Variants in ERICH3 observed in about 807,000 individuals in gnomAD.
ERICH3 encodes glutamate rich 3.
Under a neutral mutation model 131.1 loss-of-function variants are expected in ERICH3, and 126 were observed. The ratio of observed to expected loss-of-function variants is 0.96; its 90% CI spans 0.83 to 1.11. The LOEUF is 1.11. ERICH3 is among the 50% of genes most tolerant of loss of function. The pLI is 0.00. For synonymous variants in ERICH3, 695 were observed against 644.6 expected, an observed-to-expected ratio of 1.08 and a Z score of -1.18; for missense variants, 2,050 against 1,810.7, an observed-to-expected ratio of 1.13 and a Z score of -2.40.
intron 11 of ERICH3, among the ~76,000 whole-genome samples, chr1:74,593,229 C>T (rs139493492): frequency 4.6e-5 from 7 of 152,156 alleles, no homozygotes; most frequent in Non-Finnish European, 1.0e-4. Flanking sequence ...GTCAGGAGCT[C>T]TCCAGGCCCT....
chr1:74,668,001 G>T (rs1447042782), intron 1 of ERICH3, among the ~76,000 whole-genome samples: 1 of 152,118 alleles, frequency 6.6e-6, no homozygotes, highest in African/African-American at 2.4e-5. Context: ...TTTCTCTCCT[G>T]CTGCGATGTA....
At chr1:74,640,862 G>A (rs1190273633) in intron 5 of ERICH3, among the ~76,000 whole-genome samples, 1 of 152,108 alleles carries the variant, frequency 6.6e-6, no homozygotes, top group African/African-American at 2.4e-5. Context: ...TAAGGTGGAA[G>A]TAGAAGGAAC....
In ERICH3 at chr1:74,571,712, C is replaced by T; in HGVS notation, c.3998G>A (p.Gly1333Glu). ...EGNTQKNEGM[G>E]GGRVVAVEVL... Reference sequence around the variant, plus strand: ...TTCCACAGCCACAACCCTTCCTCCTCCCATGCCCTCATTCTTTTGTGTGTT... The same window carrying T: ...TTCCACAGCCACAACCCTTCCTCCTTCCATGCCCTCATTCTTTTGTGTGTT... The change falls in exon 14 of 15, where the codon GGA (glycine) becomes GAA (glutamate). Residue 1333 changes from glycine (G) to glutamate (E), a missense_variant. Transcript: ENST00000326665. 5 of 1,614,168 alleles carry T rather than the reference C, an allele frequency of 3.1e-6. No homozygotes were observed. Among genetic ancestry groups the T allele is most frequent in the Non-Finnish European group, 4.2e-6 (5 of 1,180,026 alleles).
Position 74,606,826 on chromosome 1 carries a change from C to T in ERICH3, c.1264G>A (p.Glu422Lys), listed in dbSNP as rs1377980893. The change falls in exon 10 of 15, where the codon GAG becomes AAG. Residue 422 changes from glutamate to lysine, a missense_variant. Glu to Lys is a moderately conservative substitution (Grantham distance 56). Transcript: ENST00000326665. ...SRKEKSTEKG[E>K]ELKKAEGKVR... ...TTCCCCTCAGCCTTCTTCAGTTCCTCTCCTTTCTCAGTGCTCTTTTCTTTC... is the reference window on the plus strand; with the variant it reads ...TTCCCCTCAGCCTTCTTCAGTTCCTTTCCTTTCTCAGTGCTCTTTTCTTTC... 2 of 1,613,186 alleles carry T rather than the reference C, an allele frequency of 1.2e-6. No individual in the cohort carries two copies. The highest frequency in any genetic ancestry group is 1.7e-6 in the Non-Finnish European group (2 of 1,179,442).
intron 1 of ERICH3, among the ~76,000 whole-genome samples, chr1:74,664,552 A>G (rs1356202763): frequency 6.6e-6 from 1 of 152,192 alleles, no homozygotes; most frequent in African/African-American, 2.4e-5. Flanking sequence ...CTGCTACTAT[A>G]AAACACTATG....
At chr1:74,627,353 C>A (rs529508782) in intron 7 of ERICH3, among the ~76,000 whole-genome samples, 1 of 152,040 alleles carries the variant, frequency 6.6e-6, no homozygotes, top group Non-Finnish European at 1.5e-5. Context: ...AGCATGAAAA[C>A]AGAATGCCAT....
intron 1 of ERICH3, among the ~76,000 whole-genome samples, chr1:74,672,637 G>T (rs531794436): frequency 6.6e-6 from 1 of 152,190 alleles, no homozygotes; most frequent in African/African-American, 2.4e-5. Context: ...AATTAAAAAG[G>T]AAAGTGCCTT....
chr1:74,673,521 T>C lies in ERICH3; in HGVS notation c.-2A>G. ...CCCAGCGGGGTGAGAATGGCTCATT[T>C]TTGCAGGATCCCTTTTGGACCCCGC... On this transcript the variant is annotated 5_prime_UTR_variant, in exon 1 of 15. Coordinates refer to ENST00000326665, the MANE Select transcript of ERICH3 (RefSeq NM_001002912.5). 1 of 1,613,284 alleles carries C rather than the reference T, an allele frequency of 6.2e-7. No individual in the cohort carries two copies. The highest frequency in any genetic ancestry group is 8.5e-7 in the Non-Finnish European group (1 of 1,179,798).
At position 74,636,356 on chromosome 1, in the gene ERICH3, T is replaced by G; in HGVS notation, c.527A>C (p.Glu176Ala). ...CCTTGAAGTTACCTTTGGAACAGTT[T>G]CTACTGCAGGATTACTGGGAAGAGG... ...LQPLPSNPAV[E>A]TVPKVTSRSR... Residue 176 changes from glutamate (E) to alanine (A), a missense_variant, in exon 6 of 15, where the codon GAA becomes GCA. Physicochemically the swap from Glu to Ala is moderately radical, Grantham distance 107. Transcript: ENST00000326665. The G allele has an allele frequency of 6.2e-7, 1 of 1,613,390 alleles. No homozygotes were observed. Among genetic ancestry groups the G allele is most frequent in the Non-Finnish European group, 8.5e-7 (1 of 1,179,474 alleles).
chr1:74,659,962 T>C (rs1351388502), intron 1 of ERICH3, among the ~76,000 whole-genome samples: 3 of 152,184 alleles, frequency 2.0e-5, no homozygotes, highest in Admixed American at 6.5e-5. Flanking sequence ...GTTGATTATT[T>C]ATGCTATGGC....
rs759943324 is a variant in ERICH3 at position 74,572,808 on chromosome 1, CCT to C, written c.2900_2901del (p.Glu967GlyfsTer4). ...GPMEDTASKR[E>X]DGSEEAILGG... is the part of the protein sequence containing the mutation. ...CCAAGAATTGCCTCTTCAGAACCGTCCTCTCTCTTTGATGCTGTGTCCTCCAT... is the reference window on the plus strand; with the variant it reads ...CCAAGAATTGCCTCTTCAGAACCGTCCTCTCTTTGATGCTGTGTCCTCCAT... On this transcript the variant is annotated frameshift_variant, in exon 14 of 15. Coordinates refer to ENST00000326665, the MANE Select transcript of ERICH3 (RefSeq NM_001002912.5). LOFTEE classifies it high-confidence loss of function. The C allele has an allele frequency of 6.2e-7, 1 of 1,613,764 alleles. No homozygotes were observed. Among genetic ancestry groups the C allele is most frequent in the African/African-American group, 1.3e-5 (1 of 74,880 alleles).
intron 13 of ERICH3, among the ~76,000 whole-genome samples, chr1:74,575,762 T>C (rs920065744): frequency 6.6e-6 from 1 of 152,218 alleles, no homozygotes; most frequent in Non-Finnish European, 1.5e-5. Context: ...AGCCACCATG[T>C]AGTAATATAT....
At chr1:74,644,002 G>A (rs535440954) in intron 3 of ERICH3, among the ~76,000 whole-genome samples, 2 of 151,964 alleles carry the variant, frequency 1.3e-5, no homozygotes, top group Non-Finnish European at 2.9e-5. Context: ...TTCCCCCCAA[G>A]TTTTTGTAAT....
In ERICH3 at chr1:74,599,705, C is replaced by T. The variant is rs1648030385; in HGVS notation, c.1716G>A (p.Glu572=). 6.8e-6 allele frequency: 11 copies of T among 1,608,024 alleles called. No homozygotes were observed. Among genetic ancestry groups the T allele is most frequent in the Non-Finnish European group, 8.5e-6 (10 of 1,177,348 alleles). The change falls in exon 11 of 15, where the codon GAG becomes GAA. Residue 572 remains glutamate, a synonymous_variant. Transcript: ENST00000326665. ...NDGCSESELE[E]DKQDMKTASS... Reference sequence around the variant, plus strand: ...AGCTGAACAACTCGCCTTGTTTATCCTCTTCCAGTTCACTCTCAGAGCATC... The same window carrying T: ...AGCTGAACAACTCGCCTTGTTTATCTTCTTCCAGTTCACTCTCAGAGCATC...
Position 74,587,121 on chromosome 1 carries a change from C to T in ERICH3, c.2176+2510G>A, listed in dbSNP as rs1005198460. On this transcript the variant is annotated intron_variant, in intron 12 of 14. Transcript: ENST00000326665. The stretch of plus-strand genomic sequence containing the variant: ...CGGGTGGATCACGTGGTCAAGAGAT[C>T]GAGACCATCCTGGCTAACACGGTGA... Among the ~76,000 whole-genome samples the T allele has an allele frequency of 7.9e-5, 12 of 151,866 alleles. No homozygotes were observed. In the East Asian group the frequency reaches 2.1e-3, roughly 27 times the overall value.
chr1:74,632,924 G>A (rs971796897), intron 6 of ERICH3, among the ~76,000 whole-genome samples: 1 of 151,710 alleles, frequency 6.6e-6, no homozygotes, highest in Non-Finnish European at 1.5e-5. Context: ...ACATTTGTCA[G>A]GTATAAGTGA....
Position 74,613,607 on chromosome 1 carries a change from C to T in ERICH3, c.1001-798G>A, listed in dbSNP as rs140497688. Among the ~76,000 whole-genome samples, 381 of 152,246 alleles carry T rather than the reference C, an allele frequency of 2.5e-3. 1 individual carries two copies. The highest frequency in any genetic ancestry group is 8.6e-3 in the African/African-American group (356 of 41,542). On this transcript the variant is annotated intron_variant, in intron 8 of 14. Coordinates refer to ENST00000326665, the MANE Select transcript of ERICH3 (RefSeq NM_001002912.5). The stretch of plus-strand genomic sequence containing the variant: ...ATGAATGAAGCAGTTATTTCATCTC[C>T]AAGCTATACTCAATTCTGTTTGGAT...
intron 1 of ERICH3, among the ~76,000 whole-genome samples, chr1:74,653,186 T>C (rs886916614): frequency 2.1e-4 from 32 of 152,128 alleles, no homozygotes; most frequent in African/African-American, 7.2e-4. Flanking sequence ...GTCTACCATA[T>C]AAAAATCCCA....
chr1:74,586,516 T>C, intron 12 of ERICH3: 2 of 982,104 alleles, frequency 2.0e-6, no homozygotes, highest in Non-Finnish European at 2.4e-6. Flanking sequence ...TGTTTAAACA[T>C]TTAAACCAAA....
Sources: allele counts gnomAD v4.1 joint callset (sites outside exome capture counted in the v4.1 genomes callset), GRCh38; gene constraint gnomAD v4.1.1; transcripts MANE v1.5; gene names NCBI Gene and HGNC (gene_info 2026-07-23, HGNC 2026-07-21).